The following TENM3 variants were observed in gnomAD, a reference collection of about 807,000 sequenced individuals.
The protein encoded by TENM3 is teneurin transmembrane protein 3.
TENM3 carries 63 observed loss-of-function variants against 255.1 expected under a neutral mutation model. That is an observed-to-expected ratio of 0.25 (90% CI 0.20 to 0.30). TENM3 has a LOEUF of 0.30. Ranked by LOEUF, TENM3 falls within the 10% of genes least tolerant of loss-of-function variation. The probability of loss-of-function intolerance (pLI) is 1.00; values close to 1 mark genes in which losing one functional copy is unlikely to be tolerated. For synonymous variants in TENM3, 1,306 were observed against 1,322.3 expected (o/e 0.99, Z 0.27); for missense variants, 2,929 against 3,461.1 (o/e 0.85, Z 3.86).
the TENM3 span, among the ~76,000 whole-genome samples, chr4:182,098,068 G>C: frequency 6.6e-6 from 1 of 151,972 alleles, no homozygotes; most frequent in Non-Finnish European, 1.5e-5. Flanking sequence ...ATGGCCAACA[G>C]GTATATGAAA....
At chr4:181,793,726 T>G in the TENM3 span, among the ~76,000 whole-genome samples, 4 of 152,202 alleles carry the variant, frequency 2.6e-5, no homozygotes, top group Non-Finnish European at 5.9e-5. Flanking sequence ...ATTCTAACTC[T>G]CAAAAGGGCT....
chr4:181,976,309 G>A, the TENM3 span: 1 of 152,268 alleles, frequency 6.6e-6, no homozygotes, highest in Non-Finnish European at 1.5e-5. Context: ...TAGTAGAGGT[G>A]GGGTTTTGCC....
intron 19 of TENM3, among the ~76,000 whole-genome samples, chr4:182,748,113 G>A (rs1185369937): frequency 1.3e-5 from 2 of 152,180 alleles, no homozygotes; most frequent in African/African-American, 4.8e-5. Context: ...GTGTCTAATT[G>A]AATGAGACTA....
chr4:181,541,669 T>C, the TENM3 span, among the ~76,000 whole-genome samples: 4 of 152,194 alleles, frequency 2.6e-5, no homozygotes, highest in East Asian at 3.9e-4. Context: ...ACTGGCCTAT[T>C]TGTGGTATCC....
chr4:181,510,362 A>G, the TENM3 span, among the ~76,000 whole-genome samples: 4 of 152,210 alleles, frequency 2.6e-5, no homozygotes, highest in African/African-American at 9.6e-5. Flanking sequence ...TATAACAAAC[A>G]AACACAAAAA....
chr4:181,980,810 T>C, the TENM3 span, among the ~76,000 whole-genome samples: 1 of 152,156 alleles, frequency 6.6e-6, no homozygotes, highest in Non-Finnish European at 1.5e-5. Flanking sequence ...TTGGTTTTGC[T>C]TCTCATCTTT....
the TENM3 span, among the ~76,000 whole-genome samples, chr4:181,473,906 T>G: frequency 1.3e-5 from 2 of 148,554 alleles, no homozygotes; most frequent in African/African-American, 4.9e-5. Context: ...GTATAAAGTA[T>G]ACAGTATAAA....
the TENM3 span, among the ~76,000 whole-genome samples, chr4:181,686,852 T>C: frequency 6.6e-6 from 1 of 152,192 alleles, no homozygotes; most frequent in African/African-American, 2.4e-5. Context: ...TAGCTTGGCA[T>C]GTACTTTGCT....
intron 1 of TENM3, among the ~76,000 whole-genome samples, chr4:182,153,967 T>A (rs1750518868): frequency 6.6e-6 from 1 of 152,138 alleles, no homozygotes. Flanking sequence ...GTTCATACTC[T>A]TGGAAAAATG....
the TENM3 span, among the ~76,000 whole-genome samples, chr4:181,526,293 C>G: frequency 6.6e-6 from 1 of 150,850 alleles, no homozygotes; most frequent in African/African-American, 2.4e-5. Flanking sequence ...AGCAAAGTAG[C>G]GAGTGAGGAA....
intron 5 of TENM3, among the ~76,000 whole-genome samples, chr4:182,642,685 C>T (rs992010572): frequency 1.9e-4 from 29 of 152,130 alleles, no homozygotes; most frequent in Non-Finnish European, 4.4e-5. Flanking sequence ...CAAACCTGTT[C>T]GTTCATAAAG....
chr4:182,534,627 C>A (rs913842489), intron 3 of TENM3, among the ~76,000 whole-genome samples: 6 of 152,136 alleles, frequency 3.9e-5, no homozygotes, highest in African/African-American at 1.4e-4. Flanking sequence ...ATTATTTTTC[C>A]TGTTTTATAT....
chr4:182,228,378 G>GTATATATATATA (rs1756332313), intron 1 of TENM3, among the ~76,000 whole-genome samples: 1 of 93,430 alleles, frequency 1.1e-5, no homozygotes, highest in African/African-American at 4.6e-5. Flanking sequence ...GTGTGTGTGT[G>GTATATATATATA]TGTGTGTGTG....
At chr4:182,566,111 G>A (rs182464423) in intron 3 of TENM3, among the ~76,000 whole-genome samples, 1 of 152,314 alleles carries the variant, frequency 6.6e-6, no homozygotes. Flanking sequence ...TACCAATTAT[G>A]TGCTACTTGG....
At chr4:182,312,880 T>C (rs1324437437) in intron 1 of TENM3, among the ~76,000 whole-genome samples, 8 of 152,234 alleles carry the variant, frequency 5.3e-5, no homozygotes, top group African/African-American at 1.2e-4. Context: ...CTATTCTAAG[T>C]ATAGAAATTA....
chr4:182,152,724 AG>A (rs1363184509), intron 1 of TENM3, among the ~76,000 whole-genome samples: 4 of 146,772 alleles, frequency 2.7e-5, no homozygotes, highest in African/African-American at 7.6e-5. Context: ...CTAAAGATAA[AG>A]TACTTTAAAA....
chr4:182,751,217 A>G (rs763804540), intron 19 of TENM3, among the ~76,000 whole-genome samples: 23 of 152,202 alleles, frequency 1.5e-4, no homozygotes, highest in Non-Finnish European at 2.8e-4. Flanking sequence ...GACTTGAATG[A>G]CCTCATTTTA....
the TENM3 span, among the ~76,000 whole-genome samples, chr4:181,561,770 G>A: frequency 6.6e-6 from 1 of 152,150 alleles, no homozygotes; most frequent in Non-Finnish European, 1.5e-5. Context: ...TGCATCTTCT[G>A]TTATTCTCAG....
At chr4:182,101,412 G>A in the TENM3 span, among the ~76,000 whole-genome samples, 82,437 of 146,292 alleles carry the variant, frequency 0.56, 23,426 homozygotes, top group Non-Finnish European at 0.61. Context: ...CTGTTTATAG[G>A]GTGAAACTCA....
Sources: gnomAD v4.1 joint callset for allele counts (sites outside exome capture counted in the v4.1 genomes callset) on GRCh38, gnomAD v4.1.1 for gene constraint, MANE v1.5 for transcripts, NCBI Gene and HGNC (gene_info 2026-07-23, HGNC 2026-07-21) for gene names.